Variants in MLLT10 observed in about 807,000 individuals in gnomAD.
MLLT10 encodes the protein protein AF-10.
MLLT10 carries 30 observed loss-of-function variants against 129.1 expected under a neutral mutation model. The observed-to-expected ratio is 0.23, with a 90% CI of 0.17 to 0.32. The LOEUF (loss-of-function observed/expected upper bound fraction) is 0.32. Ranked by LOEUF, MLLT10 falls within the 10% of genes least tolerant of loss-of-function variation. The pLI is 1.00. For synonymous variants in MLLT10, 490 were observed against 446.4 expected, an observed-to-expected ratio of 1.10 and a Z score of -1.23; for missense variants, 1,119 against 1,268.3, an observed-to-expected ratio of 0.88 and a Z score of 1.79.
At chr10:21,548,268 GTAACCTTCTCAT>G (rs1383920900) in intron 3 of MLLT10, among the ~76,000 whole-genome samples, 1 of 151,632 alleles carries the variant, frequency 6.6e-6, no homozygotes, top group African/African-American at 2.4e-5. Context: ...TTCAAATACT[GTAACCTTCTCAT>G]TAACTTTTCT....
At chr10:21,644,040 A>C (rs2048257365) in intron 8 of MLLT10, among the ~76,000 whole-genome samples, 1 of 152,148 alleles carries the variant, frequency 6.6e-6, no homozygotes, top group African/African-American at 2.4e-5. Flanking sequence ...TTTGTTTACT[A>C]ATTCTGTAAT....
chr10:21,543,171 A>T (rs2035493591), intron 3 of MLLT10, among the ~76,000 whole-genome samples: 1 of 151,920 alleles, frequency 6.6e-6, no homozygotes, highest in Non-Finnish European at 1.5e-5. Flanking sequence ...CCTAGGCTAG[A>T]GTGCAATGGC....
chr10:21,673,262 G>A (rs371700355), intron 10 of MLLT10, 88 bp from the exon 11 acceptor site: 1 of 800,256 alleles, frequency 1.2e-6, no homozygotes, highest in Non-Finnish European at 1.9e-6. Flanking sequence ...ATTATATCAT[G>A]TCTGCTGCTT....
intron 8 of MLLT10, among the ~76,000 whole-genome samples, chr10:21,639,082 A>G (rs77973495): frequency 0.013 from 2,007 of 152,296 alleles, 14 homozygotes; most frequent in Non-Finnish European, 0.022. Context: ...TTCCTCTTCT[A>G]AATAGCCATA....
chr10:21,733,787 A>G lies in MLLT10; in HGVS notation c.2516A>G (p.Gln839Arg), dbSNP rs753214467. 1.2e-6 allele frequency: 2 copies of G among 1,613,306 alleles called. No individual in the cohort carries two copies. Among genetic ancestry groups the G allele is most frequent in the Non-Finnish European group, 1.7e-6 (2 of 1,179,644 alleles). The change falls in exon 20 of 23, where the codon CAA becomes CGA. Residue 839 changes from glutamine (Q) to arginine (R), a missense_variant. Physicochemically the swap from Gln to Arg is conservative, Grantham distance 43. Around this residue, in one of 5 missense-constraint regions of MLLT10, gnomAD observed 1,004 missense variants for 1,008.7 expected, o/e 1.00. Transcript: ENST00000307729. ...CGCTAGGACTTAACCTCCAGTGGAC[A>G]AAGTACCAGCAGCTCATCAGCTCTT... ...VLNQDLTSSG[Q>R]STSSSSALST...
At chr10:21,619,760 A>G (rs1017326502) in intron 8 of MLLT10, among the ~76,000 whole-genome samples, 2 of 152,198 alleles carry the variant, frequency 1.3e-5, no homozygotes, top group African/African-American at 4.8e-5. Flanking sequence ...AATGAAGGAA[A>G]CATACTGTAA....
Position 21,612,359 on chromosome 10 carries a change from T to G in MLLT10, c.417T>G (p.Ile139Met), listed in dbSNP as rs2044743810. Residue 139 changes from isoleucine (I) to methionine (M), a missense_variant, in exon 6 of 23, where the codon ATT (isoleucine) becomes ATG (methionine). Transcript: ENST00000307729. ...PHDRYNKTCY[I>M]CDEQGRESKA... Reference sequence around the variant, plus strand: ...TTTTTAACCCCAAGACTTGCTACATTTGTGATGAACAAGGAAGAGAAAGCA... The same window carrying G: ...TTTTTAACCCCAAGACTTGCTACATGTGTGATGAACAAGGAAGAGAAAGCA... 6.2e-7 allele frequency: 1 copy of G among 1,607,142 alleles called. No individual in the cohort carries two copies. The highest frequency in any genetic ancestry group is 1.7e-5 in the Admixed American group (1 of 59,160).
At chr10:21,678,472 G>C (rs1464067581) in intron 11 of MLLT10, among the ~76,000 whole-genome samples, 1 of 152,132 alleles carries the variant, frequency 6.6e-6, no homozygotes, top group East Asian at 1.9e-4. Flanking sequence ...AGTTGGAAAA[G>C]ATCATGGAGA....
chr10:21,662,959 G>T (rs2050368885), intron 9 of MLLT10, among the ~76,000 whole-genome samples: 1 of 152,108 alleles, frequency 6.6e-6, no homozygotes. Flanking sequence ...GGTTAGAGTC[G>T]CCTGAGGTTG....
At chr10:21,600,969 A>T (rs1046179411) in intron 5 of MLLT10, among the ~76,000 whole-genome samples, 1 of 151,662 alleles carries the variant, frequency 6.6e-6, no homozygotes, top group African/African-American at 2.4e-5. Flanking sequence ...TTTTTCCAAC[A>T]TGGTCTTGCT....
rs1287329599 is a variant in MLLT10 at position 21,673,373 on chromosome 10, A to G, written c.1075A>G (p.Ser359Gly). 3.2e-6 allele frequency: 4 copies of G among 1,254,962 alleles called. No homozygotes were observed. The African/African-American group carries it at 5.6e-5, about 18-fold the overall frequency. The allele number at this position is 1,254,962 out of a possible 1,614,324, so 77.7% of individuals were successfully genotyped here. The stretch of plus-strand genomic sequence containing the variant: ...AGGCAGTTTTTCAGGAACTCCAGGC[A>G]GTGTAAAGTCATCTTCTGGAAGTTC... ...PQGSFSGTPG[S>G]VKSSSGSSVQ... Residue 359 changes from serine to glycine, a missense_variant, in exon 11 of 23, where the codon AGT (serine) becomes GGT (glycine). Around this residue, in one of 5 missense-constraint regions of MLLT10, gnomAD observed 1,004 missense variants for 1,008.7 expected, o/e 1.00. Transcript: ENST00000307729.
At position 21,743,046 on chromosome 10, in the gene MLLT10, A is replaced by G. The variant is rs1833870221; in HGVS notation, c.*1063A>G. 1 of 230,442 alleles carries G rather than the reference A, an allele frequency of 4.3e-6. No individual in the cohort carries two copies. The highest frequency in any genetic ancestry group is 8.6e-6 in the Non-Finnish European group (1 of 116,282). The allele number at this position is 230,442 out of a possible 1,614,324, so 14.3% of individuals were successfully genotyped here. A position where few individuals can be genotyped will look rare whatever the true frequency, so the allele number is the denominator to read the frequency against. On this transcript the variant is annotated 3_prime_UTR_variant, in exon 23 of 23. Coordinates refer to ENST00000307729, the MANE Select transcript of MLLT10 (RefSeq NM_001195626.3). The stretch of plus-strand genomic sequence containing the variant: ...TACTGACCATTAAAAGCTCACCACT[A>G]GAGTTCCTGAAACAGGTGAAACCTG...
intron 13 of MLLT10, among the ~76,000 whole-genome samples, chr10:21,689,242 C>T (rs560170518): frequency 7.9e-5 from 12 of 151,820 alleles, no homozygotes; most frequent in African/African-American, 2.7e-4. Context: ...ATAAATGATG[C>T]GGCACATGAG....
At chr10:21,653,687 G>T (rs570907239) in intron 9 of MLLT10, among the ~76,000 whole-genome samples, 82 of 152,240 alleles carry the variant, frequency 5.4e-4, no homozygotes, top group African/African-American at 2.0e-3. Flanking sequence ...TGGACATCTT[G>T]GTTGAGGGGT....
At chr10:21,631,990 A>AATGCTAAT (rs2047057109) in intron 8 of MLLT10, among the ~76,000 whole-genome samples, 1 of 151,576 alleles carries the variant, frequency 6.6e-6, no homozygotes, top group Non-Finnish European at 1.5e-5. Context: ...TTCTCAAAAG[A>AATGCTAAT]ATGCTAATAC....
chr10:21,631,253 G>A (rs1275979203), intron 8 of MLLT10, among the ~76,000 whole-genome samples: 1 of 144,944 alleles, frequency 6.9e-6, no homozygotes, highest in Non-Finnish European at 1.5e-5. Context: ...GGCGGAGCTT[G>A]TAGTGAGCCG....
chr10:21,691,798 A>G (rs968697228), intron 13 of MLLT10, among the ~76,000 whole-genome samples: 19 of 152,098 alleles, frequency 1.2e-4, no homozygotes, highest in African/African-American at 4.6e-4. Flanking sequence ...CAGCCAAGGA[A>G]AAGAATAATA....
At chr10:21,741,664 A>G (rs1464049860) in intron 22 of MLLT10, among the ~76,000 whole-genome samples, 1 of 152,180 alleles carries the variant, frequency 6.6e-6, no homozygotes, top group Non-Finnish European at 1.5e-5. Context: ...GGAAAAGTTG[A>G]TTTTGGAAGA....
intron 14 of MLLT10, among the ~76,000 whole-genome samples, chr10:21,717,888 T>TCCTC (rs2056846205): frequency 1.3e-5 from 1 of 75,952 alleles, no homozygotes; most frequent in Non-Finnish European, 2.8e-5. Flanking sequence ...TCCTCCTCCT[T>TCCTC]CTCCTCCTCC....
Sources: gnomAD v4.1 joint callset for allele counts (sites outside exome capture counted in the v4.1 genomes callset) on GRCh38, gnomAD v4.1.1 for gene constraint, gnomAD v4.1.1 regional missense constraint, MANE v1.5 for transcripts, NCBI Gene and HGNC (gene_info 2026-07-23, HGNC 2026-07-21) for gene names.